Variants in PHF14 observed in about 807,000 individuals in gnomAD.
PHF14 encodes the protein PHD finger protein 14.
In PHF14, 55 loss-of-function variants were observed where a neutral mutation model predicts 117.9. That is an observed-to-expected ratio of 0.47 (90% CI 0.38 to 0.58). The LOEUF is 0.58. PHF14 is among the 20% of genes least tolerant of loss of function. PHF14 has a pLI of 0.00. For missense variants in PHF14, 978 were observed against 1,122.2 expected, an observed-to-expected ratio of 0.87 and a Z score of 1.84; for synonymous variants, 409 against 368.6, an observed-to-expected ratio of 1.11 and a Z score of -1.26.
At chr7:11,037,166 T>C (rs1784344320) in intron 10 of PHF14, 75 bp downstream of exon 10, 1 of 1,319,272 alleles carries the variant, frequency 7.6e-7, no homozygotes, top group Non-Finnish European at 1.0e-6. Context: ...GTATGGCATT[T>C]CTTTTATGTT....
chr7:11,151,278 A>G (rs1157436415), intron 17 of PHF14, among the ~76,000 whole-genome samples: 1 of 152,162 alleles, frequency 6.6e-6, no homozygotes, highest in East Asian at 1.9e-4. Context: ...ACTTCAGGCC[A>G]GGCACAGTGT....
intron 4 of PHF14, among the ~76,000 whole-genome samples, chr7:11,000,442 C>G (rs941929292): frequency 6.8e-6 from 1 of 147,284 alleles, no homozygotes; most frequent in Non-Finnish European, 1.5e-5. Context: ...CAGGTTCCTG[C>G]GATTCTCGTG....
At chr7:11,073,313 C>G (rs1368714151) in intron 16 of PHF14, among the ~76,000 whole-genome samples, 4 of 152,146 alleles carry the variant, frequency 2.6e-5, no homozygotes, top group African/African-American at 9.7e-5. Context: ...GGTAAACATT[C>G]CCATGTCAAA....
chr7:11,018,534 C>T (rs1783608892), intron 5 of PHF14, among the ~76,000 whole-genome samples: 1 of 152,082 alleles, frequency 6.6e-6, no homozygotes, highest in South Asian at 2.1e-4. Context: ...TTTAAAATTT[C>T]TTTTTCAGAT....
At chr7:11,164,548 C>T (rs1789145144) in intron 17 of PHF14, among the ~76,000 whole-genome samples, 1 of 152,212 alleles carries the variant, frequency 6.6e-6, no homozygotes, top group African/African-American at 2.4e-5. Context: ...AAATCTGTTC[C>T]CATACATTTT....
chr7:10,978,345 C>T (rs1781938939), intron 2 of PHF14, among the ~76,000 whole-genome samples: 1 of 152,080 alleles, frequency 6.6e-6, no homozygotes, highest in South Asian at 2.1e-4. Flanking sequence ...TGGTTGATCA[C>T]TTGTGTAGTT....
intron 16 of PHF14, among the ~76,000 whole-genome samples, chr7:11,070,724 T>G (rs1335791353): frequency 6.6e-6 from 1 of 152,266 alleles, no homozygotes; most frequent in Non-Finnish European, 1.5e-5. Flanking sequence ...TTAATTTACT[T>G]TGTCCACGAG....
chr7:11,018,891 T>C (rs557016515), intron 5 of PHF14, among the ~76,000 whole-genome samples: 1 of 152,286 alleles, frequency 6.6e-6, no homozygotes, highest in African/African-American at 2.4e-5. Context: ...CATATATCGC[T>C]TTTATTATGT....
chr7:11,133,729 ATACATT>A lies in PHF14; in HGVS notation c.2772+22264_2772+22269del, dbSNP rs1485413280. ...TCATCTGCTCACAGTTCTGCTAATT[ATACATT>A]TGGATTATCCTCAACCACAAACACA... On this transcript the variant is annotated intron_variant, in intron 17 of 17. Transcript: ENST00000634607. Among the ~76,000 whole-genome samples the A allele has an allele frequency of 2.6e-5, 4 of 152,096 alleles. No homozygotes were observed. The East Asian group carries it at 7.7e-4, about 29-fold the overall frequency.
intron 3 of PHF14, among the ~76,000 whole-genome samples, chr7:10,984,302 C>T (rs369777859): frequency 2.6e-5 from 4 of 152,072 alleles, no homozygotes; most frequent in African/African-American, 9.7e-5. Flanking sequence ...GATGAGACAG[C>T]AGTTTATATT....
At chr7:11,133,109 T>C (rs1788130385) in intron 17 of PHF14, among the ~76,000 whole-genome samples, 1 of 151,882 alleles carries the variant, frequency 6.6e-6, no homozygotes, top group African/African-American at 2.4e-5. Context: ...AAATAAATAT[T>C]TTCAAGATGT....
intron 17 of PHF14, among the ~76,000 whole-genome samples, chr7:11,135,000 G>T (rs1236180158): frequency 6.6e-6 from 1 of 152,026 alleles, no homozygotes; most frequent in Non-Finnish European, 1.5e-5. Flanking sequence ...TTCTTCACTT[G>T]ACAGACCCTT....
intron 16 of PHF14, among the ~76,000 whole-genome samples, chr7:11,077,377 C>T (rs890390297): frequency 2.6e-4 from 39 of 151,260 alleles, no homozygotes; most frequent in African/African-American, 9.0e-4. Context: ...CTGAGGTGGG[C>T]AGATCACAAG....
chr7:10,975,102 C>T (rs749206003), intron 2 of PHF14, among the ~76,000 whole-genome samples, 157 bp downstream of exon 2: 12 of 152,226 alleles, frequency 7.9e-5, no homozygotes, highest in Non-Finnish European at 1.5e-5. Flanking sequence ...GCCTTTAGAT[C>T]CTGTCACTAG....
Position 11,130,251 on chromosome 7 carries a change from C to T in PHF14, c.2772+18784C>T, listed in dbSNP as rs1419922828. On this transcript the variant is annotated intron_variant, in intron 17 of 17. Coordinates refer to ENST00000634607, the MANE Select transcript of PHF14 (RefSeq NM_001007157.2). This position sits in a 1 kb window ranked among gnomAD's most constrained non-coding sequence, Gnocchi z 4.2. Reference sequence around the variant, plus strand: ...ACTCCAGGCCACATTCCTCAGATGACGCAGTCAAACCTAACTTTAAGAAGC... The same window carrying T: ...ACTCCAGGCCACATTCCTCAGATGATGCAGTCAAACCTAACTTTAAGAAGC... 3.3e-5 allele frequency among the ~76,000 whole-genome samples: 5 copies of T among 152,086 alleles called. No individual in the cohort carries two copies. The East Asian group carries it at 7.7e-4, about 24-fold the overall frequency.
chr7:10,994,026 A>T (rs1234212137), intron 4 of PHF14, among the ~76,000 whole-genome samples: 13 of 149,512 alleles, frequency 8.7e-5, no homozygotes, highest in Admixed American at 2.0e-4. Context: ...AAAAAAAAAA[A>T]GTTGTTAAGG....
intron 5 of PHF14, among the ~76,000 whole-genome samples, chr7:11,018,417 A>G (rs1783604706): frequency 6.6e-6 from 1 of 152,048 alleles, no homozygotes; most frequent in Admixed American, 6.6e-5. Flanking sequence ...GTCGTCTTCA[A>G]TTTCTTTCAT....
At chr7:11,138,620 A>T (rs1001058182) in intron 17 of PHF14, among the ~76,000 whole-genome samples, 6 of 152,172 alleles carry the variant, frequency 3.9e-5, no homozygotes, top group African/African-American at 9.6e-5. Flanking sequence ...ACAATAACAT[A>T]TAAATCATAT....
intron 16 of PHF14, among the ~76,000 whole-genome samples, chr7:11,096,412 A>G (rs2128340010): frequency 6.6e-6 from 1 of 152,302 alleles, no homozygotes. Context: ...ATTATTCCTC[A>G]TCAGTAACTA....
Sources: gnomAD v4.1 joint callset for allele counts (sites outside exome capture counted in the v4.1 genomes callset) on GRCh38, gnomAD v4.1.1 for gene constraint, Gnocchi (gnomAD v3.1) non-coding constraint, MANE v1.5 for transcripts, NCBI Gene and HGNC (gene_info 2026-07-23, HGNC 2026-07-21) for gene names.